JAKMIP3: variants seen among roughly 807,000 people sequenced by gnomAD.
JAKMIP3 encodes the protein Janus kinase and microtubule interacting protein 3.
Under a neutral mutation model 118.5 loss-of-function variants are expected in JAKMIP3, and 58 were observed. That is an observed-to-expected ratio of 0.49 (90% CI 0.40 to 0.61). The LOEUF is 0.61. Among genes scored for constraint, JAKMIP3 ranks in the 20% least tolerant of loss-of-function variants. The pLI is 0.00. For synonymous variants in JAKMIP3, 486 were observed against 451.2 expected (o/e 1.08, Z -0.98); for missense variants, 950 against 1,109.0 (o/e 0.86, Z 2.04).
At chr10:132,046,442 C>A (rs1381564812) in intron 1 of JAKMIP3, among the ~76,000 whole-genome samples, 1 of 144,164 alleles carries the variant, frequency 6.9e-6, no homozygotes, top group East Asian at 2.3e-4. Context: ...GGTGACAGAG[C>A]AAGACTCCGT....
intron 1 of JAKMIP3, among the ~76,000 whole-genome samples, chr10:132,098,965 A>C (rs11146168): frequency 0.61 from 93,153 of 152,074 alleles, 28,786 homozygotes; most frequent in East Asian, 0.71. Context: ...GTAGGTAAAC[A>C]ATTTAGCCCA....
At chr10:132,164,765 T>C (rs1224777950) in intron 21 of JAKMIP3, 30 bp downstream of exon 21, 4 of 1,515,420 alleles carry the variant, frequency 2.6e-6, no homozygotes, top group Admixed American at 1.7e-5. Flanking sequence ...GGGGGTTGCT[T>C]GTTAAGATCA....
At chr10:132,149,553 A>AGCCCCCGCCCCACCCCC in intron 15 of JAKMIP3, 43 bp downstream of exon 15, 1 of 557,798 alleles carries the variant, frequency 1.8e-6, no homozygotes, top group Non-Finnish European at 2.4e-6. Flanking sequence ...CACCTCACCC[A>AGCCCCCGCCCCACCCCC]TCCCCCGCCC....
At chr10:132,047,811 A>G (rs1333254041) in intron 1 of JAKMIP3, among the ~76,000 whole-genome samples, 5 of 74,048 alleles carry the variant, frequency 6.8e-5, no homozygotes, top group South Asian at 5.9e-4. Flanking sequence ...CCCCTCATGG[A>G]GCTGTGTGTC....
intron 23 of JAKMIP3, among the ~76,000 whole-genome samples, chr10:132,182,015 A>C (rs1025887644): frequency 1.3e-5 from 2 of 152,258 alleles, no homozygotes; most frequent in African/African-American, 4.8e-5. Flanking sequence ...CCACTTTCTA[A>C]GCAATGAGGG....
At chr10:132,131,760 C>T (rs1682775757) in intron 3 of JAKMIP3, among the ~76,000 whole-genome samples, 1 of 152,030 alleles carries the variant, frequency 6.6e-6, no homozygotes, top group Admixed American at 6.5e-5. Context: ...CCTGGGAGCC[C>T]TCTCAGTCCG....
intron 1 of JAKMIP3, among the ~76,000 whole-genome samples, chr10:132,039,424 C>G (rs997825820): frequency 2.7e-5 from 4 of 150,240 alleles, no homozygotes; most frequent in Non-Finnish European, 5.9e-5. Context: ...CCAAGCAGAA[C>G]AGTCTCAGTC....
chr10:132,087,913 T>G (rs1283991513), intron 1 of JAKMIP3, among the ~76,000 whole-genome samples: 1 of 152,130 alleles, frequency 6.6e-6, no homozygotes, highest in Admixed American at 6.6e-5. Flanking sequence ...TGTGTCCATG[T>G]GTTCTCATTG....
At chr10:132,083,584 T>C (rs755124548) in intron 1 of JAKMIP3, among the ~76,000 whole-genome samples, 14 of 152,214 alleles carry the variant, frequency 9.2e-5, no homozygotes, top group Non-Finnish European at 1.5e-4. Flanking sequence ...GCTTTTGGGT[T>C]CTTGGTCATG....
chr10:132,170,743 G>A (rs951611096), intron 23 of JAKMIP3, among the ~76,000 whole-genome samples: 1 of 152,232 alleles, frequency 6.6e-6, no homozygotes, highest in Non-Finnish European at 1.5e-5. Context: ...AGGCCTGTCG[G>A]CATGGCGGGG....
intron 1 of JAKMIP3, among the ~76,000 whole-genome samples, chr10:132,067,889 G>C (rs1360070057): frequency 7.1e-6 from 1 of 140,040 alleles, no homozygotes; most frequent in African/African-American, 2.7e-5. Flanking sequence ...GTGTGGACTG[G>C]ACTGTGGGCT....
intron 19 of JAKMIP3, among the ~76,000 whole-genome samples, chr10:132,159,087 T>A (rs1307237639): frequency 1.4e-5 from 2 of 140,272 alleles, no homozygotes. Flanking sequence ...TGGGGTTGTG[T>A]CTTCCCGTGT....
At chr10:132,075,878 A>G (rs1223524010) in intron 1 of JAKMIP3, among the ~76,000 whole-genome samples, 3 of 152,070 alleles carry the variant, frequency 2.0e-5, no homozygotes, top group African/African-American at 7.2e-5. Context: ...TCCATTTGAC[A>G]ACACCTCCTC....
At chr10:132,158,698 G>T (rs373058696) in intron 19 of JAKMIP3, among the ~76,000 whole-genome samples, 101 of 107,768 alleles carry the variant, frequency 9.4e-4, no homozygotes, top group Middle Eastern at 5.5e-3. Flanking sequence ...GCATCTTCCT[G>T]TGTGATGCTG....
chr10:132,145,554 C>CA lies in JAKMIP3; in HGVS notation c.1723_1724insA (p.Arg575GlnfsTer42). 1 of 1,565,264 alleles carries CA rather than the reference C, an allele frequency of 6.4e-7. No homozygotes were observed. Among genetic ancestry groups the CA allele is most frequent in the Non-Finnish European group, 8.7e-7 (1 of 1,154,916 alleles). ...GATTGAAGAGAAGCAGGCACTGTAC[C>CA]GGAGAAATCAAGAGCTTGTGGAAAA... On this transcript the variant is annotated frameshift_variant, in exon 13 of 24. Transcript: ENST00000684848. LOFTEE classifies it high-confidence loss of function.
In JAKMIP3 at chr10:132,137,115, G is replaced by A; in HGVS notation, c.1213G>A (p.Val405Met). 2 of 1,613,974 alleles carry A rather than the reference G, an allele frequency of 1.2e-6. No homozygotes were observed. Among genetic ancestry groups the A allele is most frequent in the Non-Finnish European group, 8.5e-7 (1 of 1,179,880 alleles). The change falls in exon 7 of 24, where the codon GTG becomes ATG. Residue 405 changes from valine (V) to methionine (M), a missense_variant. Physicochemically the swap from Val to Met is conservative, Grantham distance 21 (BLOSUM62 1). Coordinates refer to ENST00000684848, the MANE Select transcript of JAKMIP3 (RefSeq NM_001323087.2). ...REVDFLKLQI[V>M]EQQNLIDELS... ...AGTCGATTTCTTGAAGCTTCAGATT[G>A]TGGAGCAGCAAAACCTCATAGATGA... is the stretch of plus-strand genomic sequence containing the variant.
At chr10:132,139,481 TG>T (rs2052967166) in intron 9 of JAKMIP3, among the ~76,000 whole-genome samples, 1 of 146,660 alleles carries the variant, frequency 6.8e-6, no homozygotes, top group Non-Finnish European at 1.5e-5. Flanking sequence ...TGTGTGAGTG[TG>T]TGTGAGAGTA....
intron 2 of JAKMIP3, among the ~76,000 whole-genome samples, chr10:132,107,238 A>G (rs572973964): frequency 3.9e-5 from 6 of 152,272 alleles, no homozygotes; most frequent in Admixed American, 1.3e-4. Flanking sequence ...GGACATCCCC[A>G]GGTTTAGTCC....
At chr10:132,039,553 G>A (rs1466235492) in intron 1 of JAKMIP3, among the ~76,000 whole-genome samples, 1 of 152,184 alleles carries the variant, frequency 6.6e-6, no homozygotes, top group Non-Finnish European at 1.5e-5. Flanking sequence ...AGGACTTCCT[G>A]CTGCATGTCA....
Sources: gnomAD v4.1 joint callset for allele counts (sites outside exome capture counted in the v4.1 genomes callset) on GRCh38, gnomAD v4.1.1 for gene constraint, MANE v1.5 for transcripts, NCBI Gene and HGNC (gene_info 2026-07-23, HGNC 2026-07-21) for gene names.